The following HEATR5B variants were observed in gnomAD, a reference collection of about 807,000 sequenced individuals.
The protein encoded by HEATR5B is HEAT repeat-containing protein 5B.
A neutral mutation model predicts 224.1 loss-of-function variants in HEATR5B; 156 were observed. That is an observed-to-expected ratio of 0.70 (90% CI 0.61 to 0.80). The LOEUF (loss-of-function observed/expected upper bound fraction) is 0.80. Ranked by LOEUF, HEATR5B falls within the 30% of genes least tolerant of loss-of-function variation. The pLI is 0.00. For synonymous variants in HEATR5B, 1,027 were observed against 893.0 expected, an observed-to-expected ratio of 1.15 and a Z score of -2.68; for missense variants, 2,323 against 2,535.5, an observed-to-expected ratio of 0.92 and a Z score of 1.80.
Position 37,040,429 on chromosome 2 carries a change from A to C in HEATR5B, c.2946T>G (p.Leu982=). The C allele has an allele frequency of 6.2e-7, 1 of 1,614,076 alleles. No individual in the cohort carries two copies. The highest frequency in any genetic ancestry group is 8.5e-7 in the Non-Finnish European group (1 of 1,179,934). Residue 982 remains leucine (L), a synonymous_variant, in exon 20 of 36, where the codon CTT becomes CTG. Transcript: ENST00000233099. The stretch of plus-strand genomic sequence containing the variant: ...AAGGCGGAACTGTCAACAGCAAGGT[A>C]AGAACTAGAGATAATGTTGGTTCCA... ...GYVEPTLSLV[L]TLLLTVPPSH...
At chr2:37,040,095 A>C (rs1669779754) in intron 20 of HEATR5B, among the ~76,000 whole-genome samples, 2 of 152,184 alleles carry the variant, frequency 1.3e-5, no homozygotes, top group Non-Finnish European at 2.9e-5. Flanking sequence ...TTCATTTAAA[A>C]TGTTTTCTCT....
chr2:37,008,854 A>T lies in HEATR5B; in HGVS notation c.4285-6T>A, dbSNP rs1372621150. 1.3e-6 allele frequency: 2 copies of T among 1,515,624 alleles called. No individual in the cohort carries two copies. Among genetic ancestry groups the T allele is most frequent in the South Asian group, 2.3e-5 (2 of 87,186 alleles). The allele number at this position is 1,515,624 out of a possible 1,614,324, so 93.9% of individuals were successfully genotyped here. On this transcript the variant is annotated splice_region_variant and splice_polypyrimidine_tract_variant and intron_variant, in intron 27 of 35. Transcript: ENST00000233099. ...TTCATAGCGACCACATATACCTAAT[A>T]TGATATTTATGAGGACAAAATAGTA...
chr2:37,000,750 A>G lies in HEATR5B; in HGVS notation c.5381T>C (p.Ile1794Thr), dbSNP rs747518751. 2 of 1,614,042 alleles carry G rather than the reference A, an allele frequency of 1.2e-6. No individual in the cohort carries two copies. The highest frequency in any genetic ancestry group is 1.7e-6 in the Non-Finnish European group (2 of 1,180,008). Residue 1794 changes from isoleucine to threonine, a missense_variant, in exon 33 of 36, where the codon ATA becomes ACA. Around this residue, in one of 12 missense-constraint regions of HEATR5B, gnomAD observed 844 missense variants for 812.9 expected, o/e 1.04. Coordinates refer to ENST00000233099, the MANE Select transcript of HEATR5B (RefSeq NM_019024.3). ...AGGAACCTGATTATCTGCAGACTTT[A>G]TTGCTGTGTCTTTCAATATTCTTGC... is the stretch of plus-strand genomic sequence containing the variant. ...LIARILKDTA[I>T]KSADNQVPPP...
intron 2 of HEATR5B, among the ~76,000 whole-genome samples, chr2:37,079,886 T>C (rs142713381): frequency 1.8e-3 from 280 of 152,234 alleles, no homozygotes; most frequent in African/African-American, 6.2e-3. Context: ...GTGAACAAAA[T>C]AGACAAACAA....
chr2:36,991,683 G>A (rs932344721), intron 33 of HEATR5B, among the ~76,000 whole-genome samples: 6 of 152,006 alleles, frequency 3.9e-5, no homozygotes, highest in African/African-American at 1.4e-4. Flanking sequence ...TATAAAATAC[G>A]AGTTCCAAAC....
At chr2:37,034,529 C>T (rs1377355617) in intron 21 of HEATR5B, among the ~76,000 whole-genome samples, 15 of 136,454 alleles carry the variant, frequency 1.1e-4, no homozygotes, top group African/African-American at 3.2e-4. Flanking sequence ...AGGAGAATGG[C>T]GTGAACCCGG....
intron 29 of HEATR5B, among the ~76,000 whole-genome samples, chr2:37,006,820 G>A (rs539036015): frequency 2.0e-5 from 3 of 152,060 alleles, no homozygotes; most frequent in Non-Finnish European, 4.4e-5. Context: ...AAAATTGTTC[G>A]ATATTGCTGT....
intron 18 of HEATR5B, among the ~76,000 whole-genome samples, chr2:37,046,634 T>C (rs1220821095): frequency 4.3e-5 from 6 of 139,354 alleles, no homozygotes; most frequent in African/African-American, 1.6e-4. Context: ...AGGGAAACTC[T>C]GTCTCAAAAA....
chr2:37,049,211 CT>C (rs1464833835), intron 18 of HEATR5B, among the ~76,000 whole-genome samples: 1 of 152,130 alleles, frequency 6.6e-6, no homozygotes, highest in Non-Finnish European at 1.5e-5. Context: ...TGATGCTTAA[CT>C]ATTCTGTTTC....
Position 37,005,626 on chromosome 2 carries a change from C to G in HEATR5B, c.4905+6G>C. 6.2e-7 allele frequency: 1 copy of G among 1,612,882 alleles called. No individual in the cohort carries two copies. The highest frequency in any genetic ancestry group is 1.3e-5 in the African/African-American group (1 of 74,976). On this transcript the variant is annotated splice_donor_region_variant and intron_variant, in intron 30 of 35. Coordinates refer to ENST00000233099, the MANE Select transcript of HEATR5B (RefSeq NM_019024.3). ...CACAAGTATCTATCATAGCAATACACTGTACCTGATCTTCTGCAATATGGA... is the reference window on the plus strand; with the variant it reads ...CACAAGTATCTATCATAGCAATACAGTGTACCTGATCTTCTGCAATATGGA...
chr2:37,007,444 A>G (rs2541002), intron 28 of HEATR5B, 140 bp from the exon 29 acceptor site: 43,672 of 912,314 alleles, frequency 0.048, 3,143 homozygotes, highest in African/African-American at 0.29. Context: ...GCTGGGTTCA[A>G]GCAATTCTCC....
At chr2:37,031,581 T>C (rs1429438951) in intron 22 of HEATR5B, among the ~76,000 whole-genome samples, 2 of 152,034 alleles carry the variant, frequency 1.3e-5, no homozygotes, top group Non-Finnish European at 2.9e-5. Flanking sequence ...TGAAAATTTA[T>C]ATGTATTCAG....
chr2:37,059,416 GTGT>G, intron 12 of HEATR5B, among the ~76,000 whole-genome samples: 1 of 73,198 alleles, frequency 1.4e-5, no homozygotes, highest in Non-Finnish European at 2.5e-5. Flanking sequence ...ATGTGTGTGT[GTGT>G]GTGTGTGTGT....
intron 22 of HEATR5B, among the ~76,000 whole-genome samples, chr2:37,029,439 G>A (rs939187025): frequency 2.6e-5 from 4 of 152,278 alleles, no homozygotes; most frequent in South Asian, 2.1e-4. Flanking sequence ...TGAGGCAGGT[G>A]GATCACCTGA....
intron 34 of HEATR5B, among the ~76,000 whole-genome samples, chr2:36,989,064 A>G (rs2148329954): frequency 6.6e-6 from 1 of 152,266 alleles, no homozygotes; most frequent in East Asian, 1.9e-4. Flanking sequence ...TGACCAAATC[A>G]CCATGCTTAT....
At chr2:37,077,128 A>G in intron 3 of HEATR5B, 109 bp from the exon 4 acceptor site, 1 of 873,244 alleles carries the variant, frequency 1.1e-6, no homozygotes, top group Non-Finnish European at 1.8e-6. Context: ...TTTGGCTATA[A>G]TCCTTAATTT....
At chr2:37,036,281 T>A (rs1045941996) in intron 21 of HEATR5B, among the ~76,000 whole-genome samples, 2 of 152,184 alleles carry the variant, frequency 1.3e-5, no homozygotes, top group Admixed American at 1.3e-4. Flanking sequence ...GCGTGATATG[T>A]CACCTGGTTA....
chr2:36,994,010 C>A (rs7577081), intron 33 of HEATR5B, among the ~76,000 whole-genome samples: 23,537 of 151,998 alleles, frequency 0.15, 2,018 homozygotes, highest in Non-Finnish European at 0.17. Flanking sequence ...ATTATTAGGA[C>A]AAGTAGTGCC....
intron 6 of HEATR5B, among the ~76,000 whole-genome samples, chr2:37,071,109 T>G (rs79331962): frequency 6.6e-6 from 1 of 151,692 alleles, no homozygotes; most frequent in South Asian, 2.1e-4. Flanking sequence ...GCCTGGCACA[T>G]AGTTAGCACT....
Sources: gnomAD v4.1 joint callset for allele counts (sites outside exome capture counted in the v4.1 genomes callset) on GRCh38, gnomAD v4.1.1 for gene constraint, gnomAD v4.1.1 regional missense constraint, MANE v1.5 for transcripts, NCBI Gene and HGNC (gene_info 2026-07-23, HGNC 2026-07-21) for gene names.